ERICH6B: variants seen among roughly 807,000 people sequenced by gnomAD.
ERICH6B encodes glutamate-rich protein 6B.
In ERICH6B, 69 loss-of-function variants were observed where a neutral mutation model predicts 80.0. The observed-to-expected ratio is 0.86, with a 90% confidence interval of 0.71 to 1.05. The LOEUF (loss-of-function observed/expected upper bound fraction) is 1.05. ERICH6B is among the 50% of genes least tolerant of loss of function. The pLI, the probability that ERICH6B is intolerant of heterozygous loss-of-function variation, is 0.00. For missense variants in ERICH6B, 754 were observed against 796.1 expected, an observed-to-expected ratio of 0.95 and a Z score of 0.64; for synonymous variants, 283 against 291.9, an observed-to-expected ratio of 0.97 and a Z score of 0.31.
intron 1 of ERICH6B, among the ~76,000 whole-genome samples, chr13:45,608,776 T>G (rs1037116844): frequency 6.6e-6 from 1 of 152,254 alleles, no homozygotes; most frequent in Non-Finnish European, 1.5e-5. Context: ...TTCATTAAGT[T>G]ATTCGGATGT....
chr13:45,606,547 A>ATAT (rs1949866973), intron 2 of ERICH6B, among the ~76,000 whole-genome samples: 4 of 16,612 alleles, frequency 2.4e-4, no homozygotes, highest in African/African-American at 5.4e-4. Flanking sequence ...ATATATATAT[A>ATAT]TTTTTTTTTT....
intron 5 of ERICH6B, among the ~76,000 whole-genome samples, chr13:45,581,558 G>A (rs1017384675): frequency 2.8e-4 from 42 of 152,190 alleles, no homozygotes; most frequent in African/African-American, 9.7e-4. Context: ...TGTATTTTTA[G>A]TAGAGGCAGA....
At chr13:45,566,768 G>T (rs1874931263) in intron 9 of ERICH6B, among the ~76,000 whole-genome samples, 1 of 152,234 alleles carries the variant, frequency 6.6e-6, no homozygotes, top group Non-Finnish European at 1.5e-5. Context: ...GATGGGAAAT[G>T]TGGGGTCAGA....
intron 11 of ERICH6B, among the ~76,000 whole-genome samples, chr13:45,555,692 G>A (rs1221461111): frequency 6.6e-6 from 1 of 152,034 alleles, no homozygotes; most frequent in Non-Finnish European, 1.5e-5. Flanking sequence ...CCAGATCCCC[G>A]AGATGCACTT....
chr13:45,587,881 T>C (rs550566282), intron 4 of ERICH6B, among the ~76,000 whole-genome samples: 1 of 152,196 alleles, frequency 6.6e-6, no homozygotes, highest in East Asian at 1.9e-4. Flanking sequence ...TGGGGTGTCT[T>C]GGCCCTGGAG....
chr13:45,585,142 T>G (rs1286237142), intron 5 of ERICH6B, among the ~76,000 whole-genome samples: 3 of 152,160 alleles, frequency 2.0e-5, no homozygotes, highest in Non-Finnish European at 4.4e-5. Flanking sequence ...ACTGGAGCAT[T>G]TCAAAGTCAG....
intron 14 of ERICH6B, 49 bp from the exon 15 acceptor site, chr13:45,541,729 C>T (rs751224395): frequency 7.9e-6 from 12 of 1,519,672 alleles, no homozygotes; most frequent in South Asian, 1.2e-5. Flanking sequence ...TGCCTGAGCA[C>T]GGTGCCCCAG....
At chr13:45,544,693 G>A in intron 14 of ERICH6B, 67 bp downstream of exon 14, 1 of 1,397,810 alleles carries the variant, frequency 7.2e-7, no homozygotes, top group Non-Finnish European at 9.9e-7. Flanking sequence ...GCCAGTCCAA[G>A]CCAGCAGTGG....
intron 9 of ERICH6B, among the ~76,000 whole-genome samples, chr13:45,564,689 C>G (rs1440024911): frequency 6.6e-6 from 1 of 152,192 alleles, no homozygotes; most frequent in African/African-American, 2.4e-5. Context: ...ATGTTATTCA[C>G]TTATAATGCA....
chr13:45,600,358 A>AT (rs947362855), intron 2 of ERICH6B, among the ~76,000 whole-genome samples: 81 of 149,952 alleles, frequency 5.4e-4, no homozygotes, highest in South Asian at 4.5e-3. Context: ...GTTTCATTTT[A>AT]TTTTTTTTTT....
At chr13:45,587,737 C>T (rs914140520) in intron 4 of ERICH6B, among the ~76,000 whole-genome samples, 1 of 152,218 alleles carries the variant, frequency 6.6e-6, no homozygotes, top group Non-Finnish European at 1.5e-5. Flanking sequence ...GTGTGAGGTG[C>T]AGGCTCCACT....
chr13:45,605,462 T>C (rs1949852745), intron 2 of ERICH6B, among the ~76,000 whole-genome samples: 1 of 152,254 alleles, frequency 6.6e-6, no homozygotes, highest in Non-Finnish European at 1.5e-5. Flanking sequence ...GGATTCATCA[T>C]TGCAGCCTTA....
At chr13:45,570,819 C>A (rs2985936) in intron 8 of ERICH6B, among the ~76,000 whole-genome samples, 1 of 143,880 alleles carries the variant, frequency 7.0e-6, no homozygotes. Flanking sequence ...CCATATGGCA[C>A]TCACTCCATT....
Position 45,587,228 on chromosome 13 carries a change from G to C in ERICH6B, c.691C>G (p.Pro231Ala). 6.4e-7 allele frequency: 1 copy of C among 1,551,596 alleles called. No individual in the cohort carries two copies. Among genetic ancestry groups the C allele is most frequent in the Non-Finnish European group, 8.7e-7 (1 of 1,146,950 alleles). ...QTMLLRDARS[P>A]DAGPSQVTTF... is the part of the protein sequence containing the mutation. ...GTCACCTGAGAGGGGCCAGCGTCTG[G>C]ACTCCTGTCAGAGGGGAGAACAGGA... Residue 231 changes from proline (P) to alanine (A), a missense_variant, in exon 5 of 15, where the codon CCA (proline) becomes GCA (alanine). Pro to Ala is a conservative substitution (Grantham distance 27). Transcript: ENST00000298738.
At chr13:45,598,781 T>C (rs568256564) in intron 2 of ERICH6B, among the ~76,000 whole-genome samples, 149 of 152,284 alleles carry the variant, frequency 9.8e-4, no homozygotes, top group Admixed American at 1.6e-3. Flanking sequence ...GGTCAACAGG[T>C]GGCCCCCAGC....
intron 11 of ERICH6B, among the ~76,000 whole-genome samples, chr13:45,557,276 G>A (rs1370621555): frequency 1.3e-5 from 2 of 151,756 alleles, no homozygotes; most frequent in African/African-American, 4.8e-5. Context: ...ATTTTTTGAT[G>A]GGATTTTTTT....
intron 11 of ERICH6B, among the ~76,000 whole-genome samples, chr13:45,552,445 C>T (rs1006175562): frequency 3.3e-5 from 5 of 151,524 alleles, no homozygotes; most frequent in South Asian, 2.1e-4. Flanking sequence ...TACTTTCTTA[C>T]ATTCTCTGTT....
At chr13:45,611,838 C>T (rs757757857) in intron 1 of ERICH6B, among the ~76,000 whole-genome samples, 4 of 152,208 alleles carry the variant, frequency 2.6e-5, no homozygotes, top group Non-Finnish European at 5.9e-5. Flanking sequence ...CCACCATTTC[C>T]ATGTGCCAGG....
In ERICH6B at chr13:45,559,927, T is replaced by A. The variant is rs200127178; in HGVS notation, c.1407+1442A>T. Among the ~76,000 whole-genome samples the A allele has an allele frequency of 6.0e-4, 92 of 152,298 alleles. 2 individuals are homozygous for A. The East Asian group carries it at 0.017, about 27-fold the overall frequency. Reference sequence around the variant, plus strand: ...TAAGTCCATTTGTTCCAAGGTATAGTTTAAATCCATTGTTTCTTTGTTGAC... The same window carrying A: ...TAAGTCCATTTGTTCCAAGGTATAGATTAAATCCATTGTTTCTTTGTTGAC... On this transcript the variant is annotated intron_variant, in intron 11 of 14. Coordinates refer to ENST00000298738, the MANE Select transcript of ERICH6B (RefSeq NM_182542.3).
Sources: gnomAD v4.1 joint callset for allele counts (sites outside exome capture counted in the v4.1 genomes callset) on GRCh38, gnomAD v4.1.1 for gene constraint, MANE v1.5 for transcripts, NCBI Gene and HGNC (gene_info 2026-07-23, HGNC 2026-07-21) for gene names.